RARB: variants seen among roughly 807,000 people sequenced by gnomAD.
RARB encodes retinoic acid receptor beta.
Under a neutral mutation model 51.9 loss-of-function variants are expected in RARB, and 17 were observed. That is an observed-to-expected ratio of 0.33 (90% CI 0.22 to 0.49). The LOEUF is 0.49. Among genes scored for constraint, RARB ranks in the 20% least tolerant of loss-of-function variants. The pLI is 0.99. For synonymous variants in RARB, 215 were observed against 195.4 expected (o/e 1.10, Z -0.84); for missense variants, 369 against 550.8 (o/e 0.67, Z 3.30).
intron 5 of RARB, among the ~76,000 whole-genome samples, chr3:25,176,626 C>T (rs539195259): frequency 1.3e-5 from 2 of 151,796 alleles, no homozygotes; most frequent in African/African-American, 4.8e-5. Context: ...GATCTCTTGA[C>T]CTCATGATCC....
chr3:25,146,283 C>T (rs1284762439), intron 4 of RARB, among the ~76,000 whole-genome samples: 1 of 152,126 alleles, frequency 6.6e-6, no homozygotes, highest in Non-Finnish European at 1.5e-5. Context: ...AGTTGGTAAA[C>T]TTTTCCTAGA....
At chr3:25,261,362 C>T (rs1294420175) in intron 5 of RARB, among the ~76,000 whole-genome samples, 1 of 152,040 alleles carries the variant, frequency 6.6e-6, no homozygotes, top group Non-Finnish European at 1.5e-5. Flanking sequence ...ACTAGTTCTC[C>T]AGGCTGTTTT....
intron 5 of RARB, among the ~76,000 whole-genome samples, chr3:25,283,250 C>T (rs772554827): frequency 6.6e-6 from 1 of 152,174 alleles, no homozygotes; most frequent in African/African-American, 2.4e-5. Flanking sequence ...TGGCAATGAC[C>T]TCTCACTTTT....
intron 5 of RARB, among the ~76,000 whole-genome samples, chr3:25,209,069 A>G (rs1388248950): frequency 1.3e-5 from 2 of 152,226 alleles, no homozygotes; most frequent in African/African-American, 4.8e-5. Flanking sequence ...AAGACGTGTC[A>G]CCTATTCTCA....
At chr3:25,248,992 G>C (rs1702638484) in intron 5 of RARB, among the ~76,000 whole-genome samples, 1 of 152,028 alleles carries the variant, frequency 6.6e-6, no homozygotes, top group African/African-American at 2.4e-5. Flanking sequence ...CTAGACTTAG[G>C]AAGTTTTCAG....
At chr3:25,439,319 A>G (rs767479093) in intron 1 of RARB, among the ~76,000 whole-genome samples, 20 of 152,244 alleles carry the variant, frequency 1.3e-4, no homozygotes, top group Non-Finnish European at 2.4e-4. Context: ...TAAGTTAACC[A>G]TTACCATTTA....
chr3:24,976,611 G>A (rs535403145), intron 2 of RARB, among the ~76,000 whole-genome samples: 1 of 152,118 alleles, frequency 6.6e-6, no homozygotes, highest in South Asian at 2.1e-4. Flanking sequence ...ACTTTTTGAA[G>A]GGTTTTTTTT....
At chr3:25,453,388 C>T (rs1360733074) in intron 1 of RARB, among the ~76,000 whole-genome samples, 1 of 151,800 alleles carries the variant, frequency 6.6e-6, no homozygotes, top group Non-Finnish European at 1.5e-5. Context: ...GCTGGGATTA[C>T]AGGCATGCAT....
intron 2 of RARB, among the ~76,000 whole-genome samples, chr3:25,473,583 T>C (rs540504567): frequency 6.6e-6 from 1 of 152,296 alleles, no homozygotes; most frequent in African/African-American, 2.4e-5. Context: ...TTTATAAATG[T>C]TCAAGGTAGA....
At chr3:25,351,181 G>C (rs1157702479) in intron 5 of RARB, among the ~76,000 whole-genome samples, 1 of 152,146 alleles carries the variant, frequency 6.6e-6, no homozygotes, top group African/African-American at 2.4e-5. Context: ...GGCTTAACCA[G>C]GTAGTTTTTC....
chr3:25,068,902 G>A (rs1386703395), intron 3 of RARB, among the ~76,000 whole-genome samples: 2 of 151,952 alleles, frequency 1.3e-5, no homozygotes, highest in East Asian at 1.9e-4. Context: ...CCTTTAAAGG[G>A]GCAATAGGGC....
At chr3:25,018,644 A>G (rs1453986472) in intron 2 of RARB, among the ~76,000 whole-genome samples, 5 of 152,190 alleles carry the variant, frequency 3.3e-5, no homozygotes, top group Non-Finnish European at 5.9e-5. Context: ...ATGTTAAGGT[A>G]ATAATATTCA....
intron 2 of RARB, among the ~76,000 whole-genome samples, chr3:24,865,675 A>G (rs1702834651): frequency 6.6e-6 from 1 of 152,164 alleles, no homozygotes; most frequent in Non-Finnish European, 1.5e-5. Flanking sequence ...TTTCTATGCT[A>G]ATAGTTCTTG....
intron 5 of RARB, among the ~76,000 whole-genome samples, chr3:25,375,395 G>T (rs76370092): frequency 0.035 from 5,291 of 152,290 alleles, 121 homozygotes; most frequent in Middle Eastern, 0.065. Context: ...AAGGTTTCCT[G>T]TATTGGTGCT....
At chr3:24,871,230 T>C (rs554346523) in intron 2 of RARB, among the ~76,000 whole-genome samples, 47 of 152,330 alleles carry the variant, frequency 3.1e-4, no homozygotes, top group African/African-American at 9.9e-4. Flanking sequence ...AATTCACTTC[T>C]ATTCCTAATT....
intron 3 of RARB, among the ~76,000 whole-genome samples, chr3:25,546,345 C>T (rs1470988887): frequency 6.6e-6 from 1 of 152,140 alleles, no homozygotes; most frequent in Non-Finnish European, 1.5e-5. Flanking sequence ...CTCCGTCGAG[C>T]ACAGACTGGA....
At chr3:24,958,255 GTTTTTTTTTTTTTTTTTT>G (rs71057692) in intron 2 of RARB, among the ~76,000 whole-genome samples, 13 of 69,444 alleles carry the variant, frequency 1.9e-4, no homozygotes, top group African/African-American at 5.1e-4. Flanking sequence ...AGCTGCTCAG[GTTTTTTTTTTTTTTTTTT>G]TTTTTTTTTT....
chr3:25,361,916 G>T (rs1343159173), intron 5 of RARB, among the ~76,000 whole-genome samples: 1 of 152,144 alleles, frequency 6.6e-6, no homozygotes, highest in Non-Finnish European at 1.5e-5. Context: ...GGTATCTGTC[G>T]ACCCCTGCTG....
At chr3:25,516,408 T>G (rs1698161590) in intron 3 of RARB, among the ~76,000 whole-genome samples, 1 of 152,204 alleles carries the variant, frequency 6.6e-6, no homozygotes, top group Admixed American at 6.5e-5. Flanking sequence ...AATAATTAGC[T>G]AATTATTCTT....
Sources: gnomAD v4.1 joint callset for allele counts (sites outside exome capture counted in the v4.1 genomes callset) on GRCh38, gnomAD v4.1.1 for gene constraint, MANE v1.5 for transcripts, NCBI Gene and HGNC (gene_info 2026-07-23, HGNC 2026-07-21) for gene names.